DLG2: variants seen among roughly 807,000 people sequenced by gnomAD.
DLG2 encodes the protein disks large homolog 2.
Under a neutral mutation model 132.5 loss-of-function variants are expected in DLG2, and 45 were observed. That is an observed-to-expected ratio of 0.34 (90% CI 0.27 to 0.44). The LOEUF is 0.44. DLG2 is among the 20% of genes least tolerant of loss of function. The probability of loss-of-function intolerance (pLI) is 1.00; values close to 1 mark genes in which losing one functional copy is unlikely to be tolerated. For missense variants in DLG2, 1,045 were observed against 1,196.9 expected, an observed-to-expected ratio of 0.87 and a Z score of 1.87; for synonymous variants, 424 against 419.6, an observed-to-expected ratio of 1.01 and a Z score of -0.13.
rs146329908 is a variant in DLG2, at chr11:84,367,588, T to C, written c.520-116297A>G. On this transcript the variant is annotated intron_variant, in intron 7 of 27. Transcript: ENST00000376104. ...CTTTGAGAGATGATTGGATCATACA[T>C]AGATTAATGGATTAATGGGTTAGTG... Among the ~76,000 whole-genome samples, 19 of 152,234 alleles carry C rather than the reference T, an allele frequency of 1.2e-4. No homozygotes were observed. In the East Asian group the frequency reaches 3.3e-3, roughly 26 times the overall value.
intron 15 of DLG2, among the ~76,000 whole-genome samples, chr11:83,878,738 G>A (rs928494019): frequency 1.3e-5 from 2 of 152,156 alleles, no homozygotes; most frequent in African/African-American, 4.8e-5. Context: ...TGGGTGGGTA[G>A]AATGAGCATG....
chr11:85,036,511 ATTAT>A (rs1017795732), intron 6 of DLG2, among the ~76,000 whole-genome samples: 1 of 152,220 alleles, frequency 6.6e-6, no homozygotes, highest in African/African-American at 2.4e-5. Flanking sequence ...TTAAAATTAT[ATTAT>A]TTCATCAAGT....
At chr11:85,058,422 C>A (rs958321817) in intron 6 of DLG2, among the ~76,000 whole-genome samples, 2 of 151,308 alleles carry the variant, frequency 1.3e-5, no homozygotes, top group Non-Finnish European at 3.0e-5. Context: ...ATATATCATG[C>A]CATTAAATTA....
At chr11:85,506,102 TTC>T (rs1432625918) in intron 3 of DLG2, among the ~76,000 whole-genome samples, 2 of 152,230 alleles carry the variant, frequency 1.3e-5, no homozygotes, top group Non-Finnish European at 2.9e-5. Context: ...TATTTGATTT[TTC>T]TCTCTTTTCT....
chr11:84,034,846 G>T (rs1204707457), intron 11 of DLG2, among the ~76,000 whole-genome samples: 1 of 152,100 alleles, frequency 6.6e-6, no homozygotes, highest in Admixed American at 6.6e-5. Context: ...AAGCCACCTG[G>T]TATCTTTTTC....
chr11:84,753,470 A>T (rs994926388), intron 6 of DLG2, among the ~76,000 whole-genome samples: 1 of 152,188 alleles, frequency 6.6e-6, no homozygotes, highest in Non-Finnish European at 1.5e-5. Flanking sequence ...ATTTTCTAAC[A>T]GGTTGGTGGT....
intron 8 of DLG2, among the ~76,000 whole-genome samples, chr11:84,229,313 A>G (rs1417572309): frequency 6.6e-6 from 1 of 152,224 alleles, no homozygotes; most frequent in African/African-American, 2.4e-5. Context: ...TCCTGCTTCC[A>G]AATTTTTTCC....
At chr11:85,144,959 C>A (rs887231443) in intron 5 of DLG2, among the ~76,000 whole-genome samples, 1 of 152,052 alleles carries the variant, frequency 6.6e-6, no homozygotes, top group Admixed American at 6.6e-5. Context: ...ATGTCCTTTT[C>A]TTTTAGATTA....
intron 6 of DLG2, among the ~76,000 whole-genome samples, chr11:84,771,792 A>G (rs1055417939): frequency 6.6e-6 from 1 of 152,194 alleles, no homozygotes; most frequent in African/African-American, 2.4e-5. Flanking sequence ...TCATGTATCT[A>G]TATCAACCAT....
intron 10 of DLG2, among the ~76,000 whole-genome samples, chr11:84,083,514 G>A (rs1048281608): frequency 6.6e-5 from 10 of 152,294 alleles, no homozygotes; most frequent in African/African-American, 2.4e-4. Context: ...GTGTTGGGAG[G>A]TCAGGCCTAA....
At chr11:84,179,066 C>A (rs1336257862) in intron 8 of DLG2, among the ~76,000 whole-genome samples, 1 of 151,734 alleles carries the variant, frequency 6.6e-6, no homozygotes, top group Admixed American at 6.6e-5. Flanking sequence ...ATCAAAGCAG[C>A]CATAAATATG....
At chr11:84,574,353 T>C (rs995412147) in intron 6 of DLG2, among the ~76,000 whole-genome samples, 1 of 148,456 alleles carries the variant, frequency 6.7e-6, no homozygotes, top group Non-Finnish European at 1.5e-5. Context: ...CTAATATTTC[T>C]CTTAAACAGA....
intron 11 of DLG2, among the ~76,000 whole-genome samples, chr11:84,009,809 C>T (rs1235856990): frequency 6.6e-6 from 1 of 152,050 alleles, no homozygotes; most frequent in Non-Finnish European, 1.5e-5. Flanking sequence ...TATGCCTTAT[C>T]TCATTTCATC....
intron 4 of DLG2, among the ~76,000 whole-genome samples, chr11:85,163,522 G>T (rs2078199817): frequency 6.6e-6 from 1 of 152,122 alleles, no homozygotes; most frequent in Non-Finnish European, 1.5e-5. Context: ...AAATAATACT[G>T]AAGACAAAGG....
intron 7 of DLG2, among the ~76,000 whole-genome samples, chr11:84,283,944 A>C (rs550816868): frequency 7.8e-6 from 1 of 128,628 alleles, no homozygotes; most frequent in South Asian, 2.2e-4. Flanking sequence ...CTTAAAAACA[A>C]AAAAACAAAA....
intron 7 of DLG2, among the ~76,000 whole-genome samples, chr11:84,406,917 ACTGT>A (rs1468836346): frequency 1.3e-5 from 2 of 152,204 alleles, no homozygotes; most frequent in Non-Finnish European, 2.9e-5. Flanking sequence ...GGAAAAGGAG[ACTGT>A]CAGTCAGTTT....
At chr11:84,122,141 T>A (rs2093953809) in intron 9 of DLG2, among the ~76,000 whole-genome samples, 1 of 151,700 alleles carries the variant, frequency 6.6e-6, no homozygotes, top group African/African-American at 2.4e-5. Context: ...GCCAACATAG[T>A]GAAACCCCAT....
chr11:84,356,576 T>C (rs1033084752), intron 7 of DLG2, among the ~76,000 whole-genome samples: 3 of 152,116 alleles, frequency 2.0e-5, no homozygotes, highest in African/African-American at 7.2e-5. Flanking sequence ...ATGAGATCAA[T>C]AGTAATTATC....
chr11:83,945,603 T>C (rs1182474631), intron 14 of DLG2, among the ~76,000 whole-genome samples: 1 of 152,214 alleles, frequency 6.6e-6, no homozygotes, highest in Non-Finnish European at 1.5e-5. Flanking sequence ...AATGCATTTA[T>C]AGAGTGAAGT....
Sources: gnomAD v4.1 joint callset for allele counts (sites outside exome capture counted in the v4.1 genomes callset) on GRCh38, gnomAD v4.1.1 for gene constraint, MANE v1.5 for transcripts, NCBI Gene and HGNC (gene_info 2026-07-23, HGNC 2026-07-21) for gene names.